PTCHD4: variants seen among roughly 807,000 people sequenced by gnomAD.
PTCHD4 encodes patched domain-containing protein 4.
In PTCHD4, 33 loss-of-function variants were observed where a neutral mutation model predicts 58.1. The ratio of observed to expected loss-of-function variants is 0.57; its 90% CI spans 0.43 to 0.76. The LOEUF (loss-of-function observed/expected upper bound fraction) is 0.76. Among genes scored for constraint, PTCHD4 ranks in the 30% least tolerant of loss-of-function variants. PTCHD4 has a pLI of 0.00. For synonymous variants in PTCHD4, 478 were observed against 409.6 expected, an observed-to-expected ratio of 1.17 and a Z score of -2.02; for missense variants, 1,058 against 1,027.1, an observed-to-expected ratio of 1.03 and a Z score of -0.41.
chr6:48,062,592 A>G (rs967289646), intron 3 of PTCHD4, among the ~76,000 whole-genome samples: 4 of 152,180 alleles, frequency 2.6e-5, no homozygotes, highest in Non-Finnish European at 5.9e-5. Flanking sequence ...AGGAGCAGAA[A>G]CTAGGCCCCA....
In PTCHD4 at chr6:47,870,581, T is replaced by C. The variant is rs555977828; in HGVS notation, c.*7722A>G. 6.0e-4 allele frequency among the ~76,000 whole-genome samples: 91 copies of C among 151,184 alleles called. No homozygotes were observed. The highest frequency in any genetic ancestry group is 2.1e-3 in the African/African-American group (88 of 41,018). On this transcript the variant is annotated 3_prime_UTR_variant, in exon 5 of 5. Transcript: ENST00000339488. ...ACCAAATTCAGGTGAATTGGAAACT[T>C]TGGAAACTTTGGAAGGACTTTTGGT... is the stretch of plus-strand genomic sequence containing the variant.
chr6:48,095,860 G>T (rs1037440381), intron 1 of PTCHD4, among the ~76,000 whole-genome samples: 3 of 152,068 alleles, frequency 2.0e-5, no homozygotes, highest in Non-Finnish European at 4.4e-5. Flanking sequence ...GTCAGCTAGG[G>T]CTTTGATTTA....
At chr6:48,033,636 C>T (rs979150217) in intron 3 of PTCHD4, among the ~76,000 whole-genome samples, 15 of 151,972 alleles carry the variant, frequency 9.9e-5, no homozygotes, top group Non-Finnish European at 1.5e-4. Flanking sequence ...CATCCAGATG[C>T]ATGGAGACTT....
chr6:47,863,832 A>T lies in PTCHD4; in HGVS notation c.*14471T>A, dbSNP rs989690813. On this transcript the variant is annotated 3_prime_UTR_variant, in exon 5 of 5. Transcript: ENST00000339488. Reference sequence around the variant, plus strand: ...CCAGAGCAACTTATTACAAATAGAGATTACTAAGGCCATCCCTTCAAGAGT... The same window carrying T: ...CCAGAGCAACTTATTACAAATAGAGTTTACTAAGGCCATCCCTTCAAGAGT... Among the ~76,000 whole-genome samples the T allele has an allele frequency of 2.0e-5, 3 of 152,000 alleles. No homozygotes were observed. The highest frequency in any genetic ancestry group is 7.2e-5 in the African/African-American group (3 of 41,424).
In PTCHD4 at chr6:47,862,846, T is replaced by A. The variant is rs151281128; in HGVS notation, c.*15457A>T. ...GACAGGCTTCTCTAACATGACATTATCAATGTTTGCTTCCTGGAACACTAG... is the reference window on the plus strand; with the variant it reads ...GACAGGCTTCTCTAACATGACATTAACAATGTTTGCTTCCTGGAACACTAG... On this transcript the variant is annotated 3_prime_UTR_variant, in exon 5 of 5. Transcript: ENST00000339488. Among the ~76,000 whole-genome samples the A allele has an allele frequency of 2.5e-3, 375 of 152,014 alleles. 4 individuals carry two copies. Among genetic ancestry groups the A allele is most frequent in the Non-Finnish European group, 4.9e-4 (33 of 67,842 alleles).
Position 47,984,271 on chromosome 6 carries a change from C to T in PTCHD4, c.898+24363G>A, listed in dbSNP as rs183652207. On this transcript the variant is annotated intron_variant, in intron 4 of 4. Coordinates refer to ENST00000339488, the MANE Select transcript of PTCHD4 (RefSeq NM_001384253.1). The stretch of plus-strand genomic sequence containing the variant: ...AAAGGAAAGAGGTTTAATTGACTCA[C>T]AGTTCCTCATGGCTGGGTGGGACTT... Among the ~76,000 whole-genome samples, 124 of 152,294 alleles carry T rather than the reference C, an allele frequency of 8.1e-4. 1 individual carries two copies. The highest frequency in any genetic ancestry group is 8.0e-3 in the Admixed American group (122 of 15,304).
intron 1 of PTCHD4, among the ~76,000 whole-genome samples, chr6:48,077,343 C>T (rs890129534): frequency 6.6e-6 from 1 of 152,246 alleles, no homozygotes; most frequent in Non-Finnish European, 1.5e-5. Context: ...GCTTACATGG[C>T]ATCTTCTTCT....
intron 1 of PTCHD4, among the ~76,000 whole-genome samples, chr6:48,075,513 T>C (rs1765048029): frequency 6.6e-6 from 1 of 151,604 alleles, no homozygotes; most frequent in Non-Finnish European, 1.5e-5. Context: ...GGTCAAATCA[T>C]TCCATGTCAA....
chr6:48,076,525 C>T (rs765574019), intron 1 of PTCHD4, among the ~76,000 whole-genome samples: 2 of 152,140 alleles, frequency 1.3e-5, no homozygotes, highest in Non-Finnish European at 2.9e-5. Context: ...AATAATAAGA[C>T]TTGAGGGTTG....
At chr6:48,094,515 A>G (rs1765424080) in intron 1 of PTCHD4, among the ~76,000 whole-genome samples, 1 of 152,212 alleles carries the variant, frequency 6.6e-6, no homozygotes, top group Non-Finnish European at 1.5e-5. Flanking sequence ...TAATACAATC[A>G]ACTGAGAGCA....
intron 3 of PTCHD4, 55 bp from the exon 4 acceptor site, chr6:48,009,169 G>C (rs1403255665): frequency 4.0e-6 from 6 of 1,511,168 alleles, no homozygotes; most frequent in African/African-American, 2.8e-5. Context: ...CCAGGGAATA[G>C]ATTCTTACTC....
intron 4 of PTCHD4, among the ~76,000 whole-genome samples, chr6:47,973,687 C>G (rs539984413): frequency 6.6e-6 from 1 of 152,320 alleles, no homozygotes; most frequent in South Asian, 2.1e-4. Flanking sequence ...TATTTTAGTA[C>G]TTTAACCACT....
chr6:47,932,425 G>C (rs934728167), intron 4 of PTCHD4, among the ~76,000 whole-genome samples: 2 of 152,178 alleles, frequency 1.3e-5, no homozygotes, highest in Non-Finnish European at 2.9e-5. Flanking sequence ...CCAGTGGCTG[G>C]AATAAAGGGA....
intron 4 of PTCHD4, among the ~76,000 whole-genome samples, chr6:47,942,601 G>T (rs1246737780): frequency 6.6e-6 from 1 of 152,122 alleles, no homozygotes; most frequent in Non-Finnish European, 1.5e-5. Context: ...GTTTAAAAAA[G>T]CAGGTCTTTT....
intron 3 of PTCHD4, among the ~76,000 whole-genome samples, chr6:48,039,043 T>G (rs1763748270): frequency 6.6e-6 from 1 of 152,192 alleles, no homozygotes; most frequent in African/African-American, 2.4e-5. Flanking sequence ...ATTACTCTCT[T>G]AGCTGGGGAG....
rs560527718 is a variant in PTCHD4 at position 47,865,555 on chromosome 6, T to C, written c.*12748A>G. ...CACTAATGTGAATATTGTTGTGTTT[T>C]AGACACTCAAAGTTCTTGGGTGTTC... On this transcript the variant is annotated 3_prime_UTR_variant, in exon 5 of 5. Transcript: ENST00000339488. 6.6e-6 allele frequency among the ~76,000 whole-genome samples: 1 copy of C among 152,030 alleles called. No individual in the cohort carries two copies. Among genetic ancestry groups the C allele is most frequent in the African/African-American group, 2.4e-5 (1 of 41,518 alleles).
rs964148011 is a variant in PTCHD4, at chr6:47,877,642, C to T, written c.*661G>A. ...CTGAGACACTTGGGTTGATTTAGAA[C>T]GGCTATTAATGAATCTATAAATTTG... On this transcript the variant is annotated 3_prime_UTR_variant, in exon 5 of 5. Coordinates refer to ENST00000339488, the MANE Select transcript of PTCHD4 (RefSeq NM_001384253.1). Among the ~76,000 whole-genome samples, 7 of 152,014 alleles carry T rather than the reference C, an allele frequency of 4.6e-5. No homozygotes were observed. Among genetic ancestry groups the T allele is most frequent in the South Asian group, 4.1e-4 (2 of 4,830 alleles).
intron 3 of PTCHD4, among the ~76,000 whole-genome samples, chr6:48,050,615 A>C (rs1490532551): frequency 6.6e-6 from 1 of 152,024 alleles, no homozygotes; most frequent in African/African-American, 2.4e-5. Context: ...CAACCAAATA[A>C]ATTCATGCAC....
chr6:48,053,899 T>C (rs1764320446), intron 3 of PTCHD4, among the ~76,000 whole-genome samples: 1 of 152,100 alleles, frequency 6.6e-6, no homozygotes. Context: ...GTTCTCTCCT[T>C]TGAGACCCCA....
Sources: gnomAD v4.1 joint callset for allele counts (sites outside exome capture counted in the v4.1 genomes callset) on GRCh38, gnomAD v4.1.1 for gene constraint, MANE v1.5 for transcripts, NCBI Gene and HGNC (gene_info 2026-07-23, HGNC 2026-07-21) for gene names.